The following TMOD1 variants were observed in gnomAD, a reference collection of about 807,000 sequenced individuals.
The protein encoded by TMOD1 is tropomodulin-1.
TMOD1 carries 17 observed loss-of-function variants against 40.6 expected under a neutral mutation model. That is an observed-to-expected ratio of 0.42 (90% confidence interval 0.29 to 0.63). The LOEUF (loss-of-function observed/expected upper bound fraction) is 0.63. TMOD1 is among the 20% of genes least tolerant of loss of function. The pLI, the probability that TMOD1 is intolerant of heterozygous loss-of-function variation, is 0.22. For synonymous variants in TMOD1, 181 were observed against 175.0 expected (o/e 1.03, Z -0.27); for missense variants, 391 against 447.6 (o/e 0.87, Z 1.14).
At chr9:97,574,997 G>GGGCCAGATAAGAGAATAAAAGCAGGC (rs1323875360) in intron 8 of TMOD1, among the ~76,000 whole-genome samples, 2 of 152,192 alleles carry the variant, frequency 1.3e-5, no homozygotes, top group Non-Finnish European at 2.9e-5. Flanking sequence ...GATATGGGTG[G>GGGCCAGATAAGAGAATAAAAGCAGGC]GGCCAGATAA....
Position 97,566,671 on chromosome 9 carries a change from A to AAAAT in TMOD1, c.726+736_726+739dup, listed in dbSNP as rs1178561744. ...GGGCGACAGAGCGAGGCTCCATCAC[A>AAAAT]AAATAAATAAATAAATAAATAAAAA... On this transcript the variant is annotated intron_variant, in intron 7 of 9. Transcript: ENST00000259365. 1.6e-4 allele frequency among the ~76,000 whole-genome samples: 24 copies of AAAAT among 152,192 alleles called. No homozygotes were observed. The East Asian group carries it at 1.9e-3, about 12-fold the overall frequency.
chr9:97,520,849 G>T (rs1829904087), intron 1 of TMOD1, among the ~76,000 whole-genome samples: 1 of 152,096 alleles, frequency 6.6e-6, no homozygotes, highest in African/African-American at 2.4e-5. Flanking sequence ...CCTCATAGTT[G>T]CCACCTCCTT....
intron 4 of TMOD1, among the ~76,000 whole-genome samples, chr9:97,559,770 TTTAAA>T (rs1563990524): frequency 8.7e-5 from 1 of 11,538 alleles, no homozygotes; most frequent in Non-Finnish European, 1.5e-4. Context: ...GCCTCAAAAA[TTTAAA>T]AAAAAAAAAA....
intron 2 of TMOD1, among the ~76,000 whole-genome samples, chr9:97,539,223 A>C (rs1323016288): frequency 1.3e-5 from 2 of 152,212 alleles, no homozygotes; most frequent in Non-Finnish European, 1.5e-5. Flanking sequence ...TGAATAAGAA[A>C]TAAGAGAATG....
At chr9:97,580,376 A>G (rs991492222) in intron 8 of TMOD1, among the ~76,000 whole-genome samples, 21 of 152,118 alleles carry the variant, frequency 1.4e-4, no homozygotes, top group African/African-American at 5.1e-4. Context: ...GGAGGCCAAG[A>G]CGGGTGGATC....
chr9:97,589,998 A>G (rs1280250384), intron 8 of TMOD1, among the ~76,000 whole-genome samples: 3 of 152,170 alleles, frequency 2.0e-5, no homozygotes, highest in African/African-American at 7.2e-5. Flanking sequence ...TGCATTATGT[A>G]TATATATGGA....
chr9:97,527,589 T>C (rs1417134254), intron 2 of TMOD1, among the ~76,000 whole-genome samples: 1 of 150,932 alleles, frequency 6.6e-6, no homozygotes, highest in Non-Finnish European at 1.5e-5. Context: ...AATCTTAGTG[T>C]GGTTTCTGTG....
intron 3 of TMOD1, among the ~76,000 whole-genome samples, chr9:97,547,724 T>A (rs1342108747): frequency 6.6e-6 from 1 of 152,192 alleles, no homozygotes; most frequent in African/African-American, 2.4e-5. Context: ...CTTCCTGGCT[T>A]GGTTATTTTC....
chr9:97,559,487 C>T (rs1442417779), intron 4 of TMOD1, among the ~76,000 whole-genome samples: 1 of 151,332 alleles, frequency 6.6e-6, no homozygotes, highest in Admixed American at 6.6e-5. Context: ...AAAAATCGGC[C>T]GGGCGTGGTG....
At position 97,529,487 on chromosome 9, in the gene TMOD1, T is replaced by G. The variant is rs532653596; in HGVS notation, c.120+5179T>G. 7.0e-4 allele frequency among the ~76,000 whole-genome samples: 106 copies of G among 152,042 alleles called. 1 individual carries two copies. Among genetic ancestry groups the G allele is most frequent in the South Asian group, 2.3e-3 (11 of 4,810 alleles). ...TGTGGCAGAATGGAGTACGAGGACT[T>G]GGAAAGCAGCTCTGTTTGCAGCAGA... On this transcript the variant is annotated intron_variant, in intron 2 of 9. Transcript: ENST00000259365.
intron 2 of TMOD1, among the ~76,000 whole-genome samples, chr9:97,536,746 C>T (rs1830191581): frequency 6.6e-6 from 1 of 152,126 alleles, no homozygotes; most frequent in African/African-American, 2.4e-5. Context: ...TTCTTCCAAT[C>T]CCTGATAAAG....
Position 97,601,599 on chromosome 9 carries a change from C to G in TMOD1, c.*1901C>G. On this transcript the variant is annotated 3_prime_UTR_variant, in exon 10 of 10. Transcript: ENST00000259365. Reference sequence around the variant, plus strand: ...GCTGCTGGTCTAGATCAGGGGCTGGCAAACTTTTCTGTAAAAGGCCAGACA... The same window carrying G: ...GCTGCTGGTCTAGATCAGGGGCTGGGAAACTTTTCTGTAAAAGGCCAGACA... 1.0e-6 allele frequency: 1 copy of G among 987,144 alleles called. No individual in the cohort carries two copies. The highest frequency in any genetic ancestry group is 4.7e-5 in the South Asian group (1 of 21,422). The allele number at this position is 987,144 out of a possible 1,614,324, so 61.1% of individuals were successfully genotyped here.
intron 1 of TMOD1, among the ~76,000 whole-genome samples, chr9:97,521,483 G>C (rs985725876): frequency 2.0e-5 from 3 of 152,156 alleles, no homozygotes; most frequent in African/African-American, 7.2e-5. Context: ...CTTGGCCCCA[G>C]CACAGAGATC....
At chr9:97,577,615 C>T (rs912394712) in intron 8 of TMOD1, among the ~76,000 whole-genome samples, 2 of 151,980 alleles carry the variant, frequency 1.3e-5, no homozygotes, top group Admixed American at 1.3e-4. Flanking sequence ...TGGTAAAACC[C>T]CATCTCTACT....
At chr9:97,547,804 G>A (rs892945660) in intron 3 of TMOD1, among the ~76,000 whole-genome samples, 3 of 152,076 alleles carry the variant, frequency 2.0e-5, no homozygotes, top group Non-Finnish European at 4.4e-5. Context: ...TTTTTCATCT[G>A]TCTCTCTCAC....
chr9:97,597,922 G>A (rs1826148891), intron 9 of TMOD1, among the ~76,000 whole-genome samples: 1 of 151,986 alleles, frequency 6.6e-6, no homozygotes, highest in African/African-American at 2.4e-5. Context: ...GCAGGGAGAA[G>A]GAGCTAATCC....
At chr9:97,588,092 G>A (rs1239308762) in intron 8 of TMOD1, among the ~76,000 whole-genome samples, 2 of 152,162 alleles carry the variant, frequency 1.3e-5, no homozygotes, top group African/African-American at 4.8e-5. Flanking sequence ...GTGGACTTAT[G>A]TTTTTATTTA....
intron 2 of TMOD1, among the ~76,000 whole-genome samples, chr9:97,537,540 C>T (rs975774974): frequency 6.6e-6 from 1 of 152,182 alleles, no homozygotes; most frequent in Non-Finnish European, 1.5e-5. Flanking sequence ...TTTCCATTGT[C>T]CTTTGAACAA....
intron 2 of TMOD1, among the ~76,000 whole-genome samples, chr9:97,538,417 A>T (rs534015399): frequency 1.3e-5 from 2 of 152,218 alleles, no homozygotes; most frequent in South Asian, 4.2e-4. Flanking sequence ...CCTCTCATGA[A>T]TTGACGGCTG....
Sources: gnomAD v4.1 joint callset for allele counts (sites outside exome capture counted in the v4.1 genomes callset) on GRCh38, gnomAD v4.1.1 for gene constraint, MANE v1.5 for transcripts, NCBI Gene and HGNC (gene_info 2026-07-23, HGNC 2026-07-21) for gene names.